Variants in RIC1 observed in about 807,000 individuals in gnomAD.
RIC1 encodes the protein RIC1 partner of RAB6A GEF complex, also known as guanine nucleotide exchange factor subunit RIC1.
A neutral mutation model predicts 169.0 loss-of-function variants in RIC1; 88 were observed. That is an observed-to-expected ratio of 0.52 (90% CI 0.44 to 0.62). The LOEUF is 0.62. Among genes scored for constraint, RIC1 ranks in the 20% least tolerant of loss-of-function variants. RIC1 has a pLI of 0.00. For synonymous variants in RIC1, 790 were observed against 601.5 expected, an observed-to-expected ratio of 1.31 and a Z score of -4.59; for missense variants, 1,877 against 1,725.5, an observed-to-expected ratio of 1.09 and a Z score of -1.56.
chr9:5,733,507 AT>A lies in RIC1; in HGVS notation c.812+1029del, dbSNP rs564434295. Among the ~76,000 whole-genome samples, 211 of 152,068 alleles carry A rather than the reference AT, an allele frequency of 1.4e-3. 1 individual carries two copies. The highest frequency in any genetic ancestry group is 5.0e-3 in the African/African-American group (208 of 41,490). On this transcript the variant is annotated intron_variant, in intron 7 of 25. Coordinates refer to ENST00000414202, the MANE Select transcript of RIC1 (RefSeq NM_020829.4). ...ATGGTCTTGATCTCCTGACCTTGTG[AT>A]CCGCCTTGGCCTCCCACAGTGCTGG... is the stretch of plus-strand genomic sequence containing the variant.
Position 5,762,464 on chromosome 9 carries a change from C to A in RIC1, c.1993-77C>A, listed in dbSNP as rs146026545. On this transcript the variant is annotated intron_variant, in intron 17 of 25. Coordinates refer to ENST00000414202, the MANE Select transcript of RIC1 (RefSeq NM_020829.4). ...TAATGTAGATTGTTTGACCTATAAA[C>A]CTTATGGATTGGGGGGAGATGCGGA... The A allele has an allele frequency of 9.1e-6, 14 of 1,544,998 alleles. 1 individual carries two copies. The East Asian group carries it at 2.0e-4, about 22-fold the overall frequency.
intron 4 of RIC1, among the ~76,000 whole-genome samples, chr9:5,717,792 G>A (rs189938996): frequency 3.2e-4 from 49 of 151,250 alleles, no homozygotes; most frequent in Admixed American, 1.6e-3. Context: ...AGCTGAGATC[G>A]CGCCACTGCA....
intron 2 of RIC1, among the ~76,000 whole-genome samples, chr9:5,665,430 C>G (rs960044714): frequency 3.9e-5 from 6 of 152,196 alleles, no homozygotes; most frequent in Non-Finnish European, 8.8e-5. Context: ...CTTCCAAAGC[C>G]TACTTCTGTC....
At chr9:5,683,417 A>T (rs1820986391) in intron 2 of RIC1, among the ~76,000 whole-genome samples, 2 of 152,288 alleles carry the variant, frequency 1.3e-5, no homozygotes, top group Middle Eastern at 6.8e-3. Context: ...TCCACTCCAG[A>T]CGCTGTTTGC....
chr9:5,738,685 G>A, intron 8 of RIC1, 147 bp downstream of exon 8: 1 of 455,728 alleles, frequency 2.2e-6, no homozygotes, highest in Non-Finnish European at 3.8e-6. Flanking sequence ...GCTCAAGTCT[G>A]GAAATTGATT....
chr9:5,756,620 G>A (rs1826032284), intron 16 of RIC1, among the ~76,000 whole-genome samples: 2 of 145,170 alleles, frequency 1.4e-5, no homozygotes, highest in South Asian at 4.6e-4. Flanking sequence ...TTGGGATGAG[G>A]TAAACCCTTA....
chr9:5,689,630 A>G (rs1586954104), intron 2 of RIC1, among the ~76,000 whole-genome samples: 1 of 152,222 alleles, frequency 6.6e-6, no homozygotes, highest in East Asian at 1.9e-4. Context: ...AATTTGCCAT[A>G]TTAGTGCAGA....
In RIC1 at chr9:5,656,579, A is replaced by C; in HGVS notation, c.145-4A>C. 1 of 1,464,142 alleles carries C rather than the reference A, an allele frequency of 6.8e-7. No homozygotes were observed. The allele number at this position is 1,464,142 out of a possible 1,614,324, so 90.7% of individuals were successfully genotyped here. A position where few individuals can be genotyped will look rare whatever the true frequency, so the allele number is the denominator to read the frequency against. On this transcript the variant is annotated splice_polypyrimidine_tract_variant and splice_region_variant and intron_variant, in intron 1 of 25. Transcript: ENST00000414202. ...ACAACTTTTTTTTTTTTTTAATCAC[A>C]CAGCCTAGTGTGTTAATTGTAACCT...
At chr9:5,725,653 G>T (rs1823925736) in intron 6 of RIC1, among the ~76,000 whole-genome samples, 1 of 151,640 alleles carries the variant, frequency 6.6e-6, no homozygotes, top group Non-Finnish European at 1.5e-5. Flanking sequence ...GTGATGTTAG[G>T]GTGTCAATTT....
Position 5,763,198 on chromosome 9 carries a change from G to A in RIC1, c.2171G>A (p.Cys724Tyr), listed in dbSNP as rs761944083. The A allele has an allele frequency of 6.2e-7, 1 of 1,614,074 alleles. No individual in the cohort carries two copies. Among genetic ancestry groups the A allele is most frequent in the Admixed American group, 1.7e-5 (1 of 60,014 alleles). Residue 724 changes from cysteine (C) to tyrosine (Y), a missense_variant, in exon 19 of 26, where the codon TGT (cysteine) becomes TAT (tyrosine). Cys to Tyr is a radical substitution (Grantham distance 194, BLOSUM62 -2). Transcript: ENST00000414202. This position sits in a 1 kb window ranked among gnomAD's most constrained non-coding sequence, Gnocchi z 5.2. Reference sequence around the variant, plus strand: ...TCTGTTGAAAATGTCTGGACAACGTGTCGAGCAAATAAACAGAAACGTCAC... The same window carrying A: ...TCTGTTGAAAATGTCTGGACAACGTATCGAGCAAATAAACAGAAACGTCAC... ...AQSVENVWTT[C>Y]RANKQKRHLL...
At chr9:5,646,585 G>A (rs534126439) in intron 1 of RIC1, among the ~76,000 whole-genome samples, 145 of 152,252 alleles carry the variant, frequency 9.5e-4, no homozygotes, top group African/African-American at 3.3e-3. Flanking sequence ...TGTATCCTAG[G>A]AGCAATAGGG....
intron 3 of RIC1, among the ~76,000 whole-genome samples, chr9:5,702,346 G>T (rs543481683): frequency 1.5e-4 from 23 of 152,258 alleles, no homozygotes; most frequent in Admixed American, 1.1e-3. Flanking sequence ...AAGAAAAGAG[G>T]TTTAATTGGT....
chr9:5,688,848 A>AT (rs1821416665), intron 2 of RIC1, among the ~76,000 whole-genome samples: 1 of 152,232 alleles, frequency 6.6e-6, no homozygotes, highest in South Asian at 2.1e-4. Flanking sequence ...GGAATTCAGT[A>AT]TTACTGTAAA....
chr9:5,711,345 A>G (rs748376660), intron 3 of RIC1, among the ~76,000 whole-genome samples: 5 of 152,084 alleles, frequency 3.3e-5, no homozygotes, highest in Non-Finnish European at 7.4e-5. Flanking sequence ...CATATACTAT[A>G]TCATTCAACC....
Position 5,720,607 on chromosome 9 carries a change from TC to T in RIC1, c.584-6del, listed in dbSNP as rs748193039. ...ATCCTATTTCATGTGCTTATTTTTT[TC>T]ATCAGTAGGTTCATTCCTGGGCTTC... On this transcript the variant is annotated splice_polypyrimidine_tract_variant and splice_region_variant and intron_variant, in intron 5 of 25. Transcript: ENST00000414202. 16 of 1,577,480 alleles carry T rather than the reference TC, an allele frequency of 1.0e-5. No homozygotes were observed. The highest frequency in any genetic ancestry group is 4.2e-5 in the Admixed American group (2 of 48,168).
intron 15 of RIC1, among the ~76,000 whole-genome samples, chr9:5,755,138 C>A (rs187764803): frequency 6.6e-6 from 1 of 152,096 alleles, no homozygotes; most frequent in Non-Finnish European, 1.5e-5. Flanking sequence ...TTTAAGATAA[C>A]CTTTTCTAAG....
chr9:5,768,183 A>C (rs1451939203), intron 21 of RIC1, among the ~76,000 whole-genome samples: 4 of 152,194 alleles, frequency 2.6e-5, no homozygotes, highest in African/African-American at 7.2e-5. Flanking sequence ...ACATTAGCTC[A>C]TGTAAGTCAG....
rs148182478 is a variant in RIC1, at chr9:5,630,974, T to C, written c.144+1521T>C. Among the ~76,000 whole-genome samples, 1,253 of 152,348 alleles carry C rather than the reference T, an allele frequency of 8.2e-3. 15 individuals are homozygous for C. The highest frequency in any genetic ancestry group is 0.029 in the African/African-American group (1,208 of 41,572). ...TAATTCCTTTTGAATGTAACAAATTTAGACTTTCGTCTAAAATTTAACTTT... is the reference window on the plus strand; with the variant it reads ...TAATTCCTTTTGAATGTAACAAATTCAGACTTTCGTCTAAAATTTAACTTT... On this transcript the variant is annotated intron_variant, in intron 1 of 25. Transcript: ENST00000414202.
intron 3 of RIC1, among the ~76,000 whole-genome samples, chr9:5,706,388 G>A (rs1184040505): frequency 6.6e-6 from 1 of 152,180 alleles, no homozygotes; most frequent in Non-Finnish European, 1.5e-5. Context: ...GGAGTCGGAG[G>A]TTGCGGTGAG....
Sources: allele counts gnomAD v4.1 joint callset (sites outside exome capture counted in the v4.1 genomes callset), GRCh38; gene constraint gnomAD v4.1.1; non-coding constraint Gnocchi (gnomAD v3.1); transcripts MANE v1.5; gene names NCBI Gene and HGNC (gene_info 2026-07-23, HGNC 2026-07-21).